Variants in USP15 observed in about 807,000 individuals in gnomAD.
USP15 encodes ubiquitin carboxyl-terminal hydrolase 15.
A neutral mutation model predicts 127.1 loss-of-function variants in USP15; 18 were observed. That is an observed-to-expected ratio of 0.14 (90% CI 0.10 to 0.21). USP15 has a LOEUF of 0.21. Ranked by LOEUF, USP15 falls within the 10% of genes least tolerant of loss-of-function variation. The pLI is 1.00. For synonymous variants in USP15, 364 were observed against 393.7 expected (o/e 0.92, Z 0.89); for missense variants, 805 against 1,159.9 (o/e 0.69, Z 4.44).
rs1381160070 is a variant in USP15, at chr12:62,363,659, C to T, written c.915+8184C>T. Among the ~76,000 whole-genome samples the T allele has an allele frequency of 2.0e-5, 3 of 152,020 alleles. No homozygotes were observed. The East Asian group carries it at 5.8e-4, about 29-fold the overall frequency. On this transcript the variant is annotated intron_variant, in intron 8 of 21. Coordinates refer to ENST00000280377, the MANE Select transcript of USP15 (RefSeq NM_001252078.2). ...GCTTGTCTGTGTATCTTCCCCTACT[C>T]CCAACACAGACACCCTCTCCCCGCG...
chr12:62,277,186 C>T lies in USP15; in HGVS notation c.89+16683C>T, dbSNP rs2063518008. Among the ~76,000 whole-genome samples the T allele has an allele frequency of 2.6e-5, 4 of 152,168 alleles. No homozygotes were observed. In the South Asian group the frequency reaches 8.3e-4, roughly 31 times the overall value. ...CTTGATAATAACTCACAAGCTGCAA[C>T]TCTTCTGAATTCCACTTCCACAAGC... On this transcript the variant is annotated intron_variant, in intron 1 of 21. Coordinates refer to ENST00000280377, the MANE Select transcript of USP15 (RefSeq NM_001252078.2).
At position 62,344,503 on chromosome 12, in the gene USP15, G is replaced by A. The variant is rs146368374; in HGVS notation, c.684-4718G>A. On this transcript the variant is annotated intron_variant, in intron 6 of 21. Transcript: ENST00000280377. ...TTTTCATGGGCCAGCATTGTCTGCA[G>A]CTTTTCCAGGTGCACAGTGCAAGCT... 2.0e-5 allele frequency among the ~76,000 whole-genome samples: 3 copies of A among 152,326 alleles called. No homozygotes were observed. In the East Asian group the frequency reaches 5.8e-4, roughly 29 times the overall value.
At chr12:62,381,250 T>C (rs968669482) in intron 8 of USP15, among the ~76,000 whole-genome samples, 3 of 152,088 alleles carry the variant, frequency 2.0e-5, no homozygotes, top group Admixed American at 2.0e-4. Flanking sequence ...TTAATGCAGA[T>C]TTTACAGCAG....
intron 11 of USP15, among the ~76,000 whole-genome samples, chr12:62,385,888 A>G (rs539047317): frequency 1.3e-5 from 2 of 152,226 alleles, no homozygotes; most frequent in Admixed American, 6.5e-5. Flanking sequence ...AAATAAATGT[A>G]GATGTTTTAT....
rs2068150676 is a variant in USP15, at chr12:62,416,192, CCTT to C, written c.*11819_*11821del. On this transcript the variant is annotated 3_prime_UTR_variant, in exon 22 of 22. Coordinates refer to ENST00000280377, the MANE Select transcript of USP15 (RefSeq NM_001252078.2). ...CTCTTACCTGGCGAACTCCTACACTCCTTCAAGACTTGCTCCAAAATGCACTTG... is the reference window on the plus strand; with the variant it reads ...CTCTTACCTGGCGAACTCCTACACTCCAAGACTTGCTCCAAAATGCACTTG... 6.6e-6 allele frequency: 1 copy of C among 152,246 alleles called. No homozygotes were observed. The highest frequency in any genetic ancestry group is 1.5e-5 in the Non-Finnish European group (1 of 68,068). 9.4% of individuals were successfully genotyped at this position (152,246 alleles called of 1,614,324 possible).
chr12:62,408,071 G>C lies in USP15; in HGVS notation c.*3696G>C, dbSNP rs2067930520. The C allele has an allele frequency of 6.6e-6, 1 of 152,002 alleles. No homozygotes were observed. Among genetic ancestry groups the C allele is most frequent in the Admixed American group, 6.6e-5 (1 of 15,236 alleles). 9.4% of individuals were successfully genotyped at this position (152,002 alleles called of 1,614,324 possible). On this transcript the variant is annotated 3_prime_UTR_variant, in exon 22 of 22. Transcript: ENST00000280377. Reference sequence around the variant, plus strand: ...AATAGATACAACATAAAGGTGGTGGGGTTTTTTATGAACTAATTTGATTGA... The same window carrying C: ...AATAGATACAACATAAAGGTGGTGGCGTTTTTTATGAACTAATTTGATTGA...
chr12:62,283,701 G>A (rs2063714393), intron 1 of USP15, among the ~76,000 whole-genome samples: 1 of 152,180 alleles, frequency 6.6e-6, no homozygotes, highest in South Asian at 2.1e-4. Context: ...CTAGCACTTT[G>A]AGAGGCCGAG....
At chr12:62,396,444 A>G in intron 20 of USP15, 46 bp downstream of exon 20, 1 of 1,509,298 alleles carries the variant, frequency 6.6e-7, no homozygotes, top group Non-Finnish European at 9.2e-7. Context: ...GTGTTTGAAG[A>G]ACTCCAGACT....
intron 1 of USP15, among the ~76,000 whole-genome samples, chr12:62,287,385 T>C (rs565571992): frequency 6.6e-6 from 1 of 152,336 alleles, no homozygotes; most frequent in East Asian, 1.9e-4. Context: ...TAAAAATCTG[T>C]GTTCTTTGCC....
intron 8 of USP15, chr12:62,374,616 A>G (rs2066766129): frequency 9.3e-6 from 9 of 966,424 alleles, no homozygotes; most frequent in Non-Finnish European, 1.1e-5. Flanking sequence ...TTGACTGAAG[A>G]CTTGAGATTT....
At chr12:62,289,566 G>A (rs1453468540) in intron 1 of USP15, among the ~76,000 whole-genome samples, 1 of 151,780 alleles carries the variant, frequency 6.6e-6, no homozygotes, top group South Asian at 2.1e-4. Context: ...TCATTTCATT[G>A]ATCTTTTTGT....
At chr12:62,265,023 G>A (rs865913842) in intron 1 of USP15, among the ~76,000 whole-genome samples, 1 of 152,168 alleles carries the variant, frequency 6.6e-6, no homozygotes, top group Middle Eastern at 3.4e-3. Context: ...TAAAAATCTA[G>A]GAAAGCAACT....
chr12:62,378,902 C>A (rs1003011213), intron 8 of USP15, among the ~76,000 whole-genome samples: 8 of 151,868 alleles, frequency 5.3e-5, no homozygotes, highest in Non-Finnish European at 7.4e-5. Flanking sequence ...TAAATACAGG[C>A]AAAAATATTT....
chr12:62,362,810 A>G (rs531124586), intron 8 of USP15, among the ~76,000 whole-genome samples: 3 of 152,324 alleles, frequency 2.0e-5, no homozygotes, highest in Non-Finnish European at 4.4e-5. Context: ...AATTATGATA[A>G]GTATCATGAA....
At chr12:62,366,809 A>G (rs1194507240) in intron 8 of USP15, among the ~76,000 whole-genome samples, 4 of 152,144 alleles carry the variant, frequency 2.6e-5, no homozygotes, top group South Asian at 2.1e-4. Flanking sequence ...TGAGATATTC[A>G]TGTGGTTTTT....
At chr12:62,345,283 A>C (rs1202315899) in intron 6 of USP15, among the ~76,000 whole-genome samples, 3 of 151,938 alleles carry the variant, frequency 2.0e-5, no homozygotes, top group Admixed American at 1.3e-4. Flanking sequence ...ACAAATCTCT[A>C]GGGTCGGGGC....
chr12:62,299,209 C>T (rs756100549), intron 2 of USP15, among the ~76,000 whole-genome samples: 32 of 152,218 alleles, frequency 2.1e-4, no homozygotes, highest in Admixed American at 3.9e-4. Flanking sequence ...ATCCCAGGTT[C>T]GAGCGATTAT....
At chr12:62,398,959 C>G (rs905899555) in intron 20 of USP15, among the ~76,000 whole-genome samples, 5 of 152,238 alleles carry the variant, frequency 3.3e-5, no homozygotes, top group African/African-American at 9.6e-5. Context: ...ATGGGTAGCT[C>G]TTCTTTCTCT....
chr12:62,367,728 T>A (rs1472955952), intron 8 of USP15, among the ~76,000 whole-genome samples: 1 of 150,578 alleles, frequency 6.6e-6, no homozygotes, highest in Non-Finnish European at 1.5e-5. Context: ...GCTAGCAGTC[T>A]GTCTATTTTG....
Sources: gnomAD v4.1 joint callset for allele counts (sites outside exome capture counted in the v4.1 genomes callset) on GRCh38, gnomAD v4.1.1 for gene constraint, MANE v1.5 for transcripts, NCBI Gene and HGNC (gene_info 2026-07-23, HGNC 2026-07-21) for gene names.